Variants in DISC1 observed in about 807,000 individuals in gnomAD.
The protein encoded by DISC1 is DISC1 scaffold protein.
A neutral mutation model predicts 84.5 loss-of-function variants in DISC1; 57 were observed. The observed-to-expected ratio is 0.67, with a 90% CI of 0.55 to 0.84. The LOEUF is 0.84. Among genes scored for constraint, DISC1 ranks in the 40% least tolerant of loss-of-function variants. DISC1 has a pLI of 0.00. For synonymous variants in DISC1, 411 were observed against 415.2 expected, an observed-to-expected ratio of 0.99 and a Z score of 0.12; for missense variants, 1,000 against 1,057.8, an observed-to-expected ratio of 0.95 and a Z score of 0.76.
intron 1 of DISC1, among the ~76,000 whole-genome samples, chr1:231,676,657 A>G (rs2063184138): frequency 6.6e-6 from 1 of 152,244 alleles, no homozygotes; most frequent in South Asian, 2.1e-4. Flanking sequence ...AGACCAGTGC[A>G]GCAATTTACC....
chr1:231,668,318 G>A (rs1259474440), intron 1 of DISC1, among the ~76,000 whole-genome samples: 1 of 152,166 alleles, frequency 6.6e-6, no homozygotes, highest in African/African-American at 2.4e-5. Flanking sequence ...GTATAGTACA[G>A]CATACTGTAC....
At position 231,771,063 on chromosome 1, in the gene DISC1, A is replaced by G. The variant is rs1449558375; in HGVS notation, c.1627A>G (p.Ile543Val). Reference protein sequence around the residue: ...IPFHAEPPETIRSLQERIKSL... With the variant: ...IPFHAEPPETVRSLQERIKSL... ...CTTCCATGCAGAGCCACCGGAAACC[A>G]TAAGGAGGTACTGCTGATTTCCTAA... The change falls in exon 6 of 13, where the codon ATA becomes GTA. Residue 543 changes from isoleucine to valine, a missense_variant. By Grantham distance (29) the Ile-to-Val change is conservative (BLOSUM62 3). This residue lies in a region of DISC1 where 397 missense variants were observed against 377.5 expected (regional missense o/e 1.05). Coordinates refer to ENST00000439617, the MANE Select transcript of DISC1 (RefSeq NM_018662.3). The G allele has an allele frequency of 2.5e-6, 4 of 1,594,290 alleles. No homozygotes were observed. The South Asian group carries it at 3.4e-5, about 13-fold the overall frequency.
At chr1:231,739,744 A>G (rs1463072663) in intron 3 of DISC1, among the ~76,000 whole-genome samples, 3 of 152,230 alleles carry the variant, frequency 2.0e-5, no homozygotes, top group African/African-American at 7.2e-5. Context: ...TAATAAATAA[A>G]CATGGCATTT....
At chr1:231,933,137 G>T (rs769493266) in intron 9 of DISC1, among the ~76,000 whole-genome samples, 45 of 152,298 alleles carry the variant, frequency 3.0e-4, no homozygotes, top group Admixed American at 7.8e-4. Flanking sequence ...TAGACACTCT[G>T]TGAGGGAAGT....
chr1:231,799,909 CTTCT>C, intron 7 of DISC1, among the ~76,000 whole-genome samples, 195 bp from the exon 8 acceptor site: 1 of 58,882 alleles, frequency 1.7e-5, no homozygotes, highest in Non-Finnish European at 3.3e-5. Context: ...CCCTTCCTCC[CTTCT>C]TCCCTTCCTC....
At chr1:231,729,695 T>C (rs1460892207) in intron 3 of DISC1, among the ~76,000 whole-genome samples, 1 of 152,092 alleles carries the variant, frequency 6.6e-6, no homozygotes, top group Admixed American at 6.6e-5. Flanking sequence ...AAATATTTTA[T>C]TTAATCCTCT....
intron 9 of DISC1, chr1:231,818,927 A>G: frequency 9.8e-7 from 1 of 1,015,746 alleles, no homozygotes. Flanking sequence ...GGAAGACCAT[A>G]AAGTGGCTCT....
chr1:231,972,425 G>A lies in DISC1; in HGVS notation c.2042+13537G>A, dbSNP rs76882407. Among the ~76,000 whole-genome samples the A allele has an allele frequency of 9.9e-3, 1,514 of 152,286 alleles. 26 individuals are homozygous for A. The highest frequency in any genetic ancestry group is 0.034 in the African/African-American group (1,431 of 41,546). On this transcript the variant is annotated intron_variant, in intron 10 of 12. Transcript: ENST00000439617. ...CTTTCAACTGGAAGAGTTTAGTCAA[G>A]TGTAACTGTATGATTTCGGAATGAA... is the stretch of plus-strand genomic sequence containing the variant.
chr1:231,906,387 C>T (rs1476608234), intron 9 of DISC1, among the ~76,000 whole-genome samples: 7 of 152,148 alleles, frequency 4.6e-5, no homozygotes, highest in Admixed American at 4.6e-4. Flanking sequence ...ATATTTTTGC[C>T]TGTTCTTGAG....
chr1:231,633,582 A>G (rs1486492418), intron 1 of DISC1, among the ~76,000 whole-genome samples: 1 of 152,154 alleles, frequency 6.6e-6, no homozygotes, highest in Non-Finnish European at 1.5e-5. Context: ...CAGGAAGCCT[A>G]GATAGCTTCT....
intron 9 of DISC1, among the ~76,000 whole-genome samples, chr1:231,869,675 G>A (rs973302993): frequency 6.6e-6 from 1 of 151,914 alleles, no homozygotes; most frequent in Non-Finnish European, 1.5e-5. Context: ...ATTCACCCCC[G>A]AGGGAGAGTA....
intron 1 of DISC1, among the ~76,000 whole-genome samples, chr1:231,650,350 G>A (rs2060506669): frequency 6.6e-6 from 1 of 152,108 alleles, no homozygotes. Context: ...ATGAAATTCT[G>A]GGCTGAAAAT....
intron 3 of DISC1, among the ~76,000 whole-genome samples, chr1:231,724,918 G>T (rs1269724325): frequency 1.3e-5 from 2 of 152,172 alleles, no homozygotes; most frequent in Admixed American, 1.3e-4. Flanking sequence ...ACCAGGTACT[G>T]CTGGCTTTCT....
intron 3 of DISC1, among the ~76,000 whole-genome samples, chr1:231,726,244 A>G (rs2070673752): frequency 2.0e-5 from 3 of 152,256 alleles, no homozygotes; most frequent in Non-Finnish European, 1.5e-5. Context: ...ATCGTTCCTG[A>G]TAACATAACA....
chr1:231,756,222 A>G (rs1286741499), intron 4 of DISC1, among the ~76,000 whole-genome samples: 2 of 152,214 alleles, frequency 1.3e-5, no homozygotes, highest in African/African-American at 4.8e-5. Flanking sequence ...AGTGAAACAA[A>G]TATCCTTGCA....
At chr1:231,682,401 G>A (rs2063782631) in intron 1 of DISC1, among the ~76,000 whole-genome samples, 1 of 152,138 alleles carries the variant, frequency 6.6e-6, no homozygotes. Flanking sequence ...ATATTCCAAA[G>A]CAGCATAGTT....
chr1:232,002,437 A>G (rs1192397947), intron 10 of DISC1, among the ~76,000 whole-genome samples: 2 of 152,188 alleles, frequency 1.3e-5, no homozygotes, highest in African/African-American at 4.8e-5. Flanking sequence ...TGTTCATAGC[A>G]TCTTTTATTC....
In DISC1 at chr1:231,897,941, C is replaced by T. The variant is rs201021325; in HGVS notation, c.1982-60887C>T. 2.6e-5 allele frequency among the ~76,000 whole-genome samples: 4 copies of T among 152,078 alleles called. No individual in the cohort carries two copies. The highest frequency in any genetic ancestry group is 6.5e-5 in the Admixed American group (1 of 15,268). On this transcript the variant is annotated intron_variant, in intron 9 of 12. Coordinates refer to ENST00000439617, the MANE Select transcript of DISC1 (RefSeq NM_018662.3). The surrounding 1 kb of genome is among the most constrained non-coding windows in gnomAD (Gnocchi z 4.5). ...GAGGTGGCCCTCGATTAAATATATA[C>T]GAGCAAGTATTTATTGAATCTCATT... is the stretch of plus-strand genomic sequence containing the variant.
chr1:231,986,306 T>A (rs1664429437), intron 10 of DISC1, among the ~76,000 whole-genome samples: 1 of 152,132 alleles, frequency 6.6e-6, no homozygotes, highest in African/African-American at 2.4e-5. Flanking sequence ...AGGCAGATAT[T>A]CTATTGGGAA....
Sources: allele counts gnomAD v4.1 joint callset (sites outside exome capture counted in the v4.1 genomes callset), GRCh38; gene constraint gnomAD v4.1.1; regional missense constraint gnomAD v4.1.1; non-coding constraint Gnocchi (gnomAD v3.1); transcripts MANE v1.5; gene names NCBI Gene and HGNC (gene_info 2026-07-23, HGNC 2026-07-21).